Variants in TRIQK observed in about 807,000 individuals in gnomAD.
TRIQK encodes the protein triple QxxK/R motif-containing protein.
A neutral mutation model predicts 10.8 loss-of-function variants in TRIQK; 10 were observed. That is an observed-to-expected ratio of 0.92 (90% confidence interval 0.57 to 1.57). The LOEUF is 1.57. Among genes scored for constraint, TRIQK ranks in the 40% most tolerant of loss-of-function variants. The probability of loss-of-function intolerance (pLI) is 0.00; values close to 1 mark genes in which losing one functional copy is unlikely to be tolerated. For missense variants in TRIQK, 107 were observed against 97.7 expected (o/e 1.09, Z -0.40); for synonymous variants, 33 against 33.7 (o/e 0.98, Z 0.07).
chr8:92,951,846 A>G (rs750905333), intron 2 of TRIQK, among the ~76,000 whole-genome samples: 3 of 152,102 alleles, frequency 2.0e-5, no homozygotes, highest in Non-Finnish European at 1.5e-5. Flanking sequence ...GAGGAAGAGA[A>G]ATACTCAACT....
intron 2 of TRIQK, among the ~76,000 whole-genome samples, chr8:92,945,020 AATAG>A (rs1811455060): frequency 2.0e-5 from 3 of 152,324 alleles, no homozygotes; most frequent in African/African-American, 4.8e-5. Flanking sequence ...AAAAAAATTA[AATAG>A]ATAATGAGTG....
chr8:92,892,947 T>C (rs1002717201), intron 3 of TRIQK, among the ~76,000 whole-genome samples: 2 of 152,004 alleles, frequency 1.3e-5, no homozygotes, highest in Admixed American at 1.3e-4. Flanking sequence ...CATAACAATA[T>C]AATATTTTAT....
At chr8:92,901,200 T>C (rs1209718187) in intron 3 of TRIQK, among the ~76,000 whole-genome samples, 1 of 152,164 alleles carries the variant, frequency 6.6e-6, no homozygotes, top group Non-Finnish European at 1.5e-5. Context: ...CAAACAAGGA[T>C]AATTTGATTT....
intron 4 of TRIQK, 121 bp downstream of exon 4, chr8:92,891,868 C>T (rs1816782872): frequency 8.9e-6 from 6 of 675,912 alleles, no homozygotes; most frequent in Non-Finnish European, 1.4e-5. Flanking sequence ...TTAAGTCTGG[C>T]ATTCTATTTA....
chr8:92,949,832 A>AAGAAAGAAAGAG (rs1811796220), intron 2 of TRIQK, among the ~76,000 whole-genome samples: 2 of 114,780 alleles, frequency 1.7e-5, no homozygotes, highest in South Asian at 6.0e-4. Context: ...GAAAGAAAGA[A>AAGAAAGAAAGAG]AGAAAGAAAG....
chr8:92,921,676 AT>A (rs1563634805), intron 2 of TRIQK: 1 of 151,854 alleles, frequency 6.6e-6, no homozygotes, highest in Non-Finnish European at 1.5e-5. Context: ...ATAAGAAAAA[AT>A]AAATTTGCAG....
intron 1 of TRIQK, among the ~76,000 whole-genome samples, chr8:93,015,314 T>A (rs1006471835): frequency 2.0e-5 from 3 of 151,954 alleles, no homozygotes; most frequent in African/African-American, 4.8e-5. Flanking sequence ...ATAACCAAAG[T>A]AATATAATAC....
intron 2 of TRIQK, among the ~76,000 whole-genome samples, chr8:92,928,898 C>T (rs190988960): frequency 6.6e-6 from 1 of 152,230 alleles, no homozygotes; most frequent in African/African-American, 2.4e-5. Flanking sequence ...ATTAGAAAGA[C>T]TAGGAGGTTT....
At chr8:92,969,582 T>G (rs1812853836), upstream of TRIQK, among the ~76,000 whole-genome samples, 4 of 151,738 alleles carry the variant, frequency 2.6e-5, no homozygotes, top group South Asian at 8.3e-4. Flanking sequence ...TAAAAACATT[T>G]TATTTATTTA....
At chr8:92,994,731 C>G (rs1278308845) in intron 1 of TRIQK, among the ~76,000 whole-genome samples, 3 of 151,922 alleles carry the variant, frequency 2.0e-5, no homozygotes, top group Non-Finnish European at 4.4e-5. Flanking sequence ...CCAGATACCA[C>G]CTCTGACCTT....
rs535245006 is a variant in TRIQK at position 92,958,334 on chromosome 8, C to G, written c.-180-3770G>C. Among the ~76,000 whole-genome samples the G allele has an allele frequency of 4.6e-5, 7 of 152,060 alleles. No homozygotes were observed. The East Asian group carries it at 1.4e-3, about 29-fold the overall frequency. Reference sequence around the variant, plus strand: ...AGACCCCATTTCAATCAATTACGTACTTTCTCTGTACAAGTCACCTATACC... The same window carrying G: ...AGACCCCATTTCAATCAATTACGTAGTTTCTCTGTACAAGTCACCTATACC... On this transcript the variant is annotated intron_variant, in intron 1 of 4. Coordinates refer to ENST00000521988, the MANE Select transcript of TRIQK (RefSeq NM_001171797.2).
At chr8:92,917,605 T>C (rs1352358611) in intron 2 of TRIQK, among the ~76,000 whole-genome samples, 2 of 152,030 alleles carry the variant, frequency 1.3e-5, no homozygotes, top group Admixed American at 1.3e-4. Context: ...TTTTTATTGA[T>C]ATACAATAGT....
At chr8:92,952,418 A>AACACACACACACACACACACAC (rs143129049) in intron 2 of TRIQK, among the ~76,000 whole-genome samples, 5 of 148,196 alleles carry the variant, frequency 3.4e-5, no homozygotes, top group African/African-American at 1.2e-4. Context: ...ACAAAGATAA[A>AACACACACACACACACACACAC]ACACACACAC....
At chr8:93,005,394 C>A (rs1336453292) in intron 1 of TRIQK, among the ~76,000 whole-genome samples, 1 of 152,166 alleles carries the variant, frequency 6.6e-6, no homozygotes, top group African/African-American at 2.4e-5. Flanking sequence ...GATCTAATCA[C>A]CTCCCACTAG....
At chr8:92,975,274 G>C (rs532787768) in intron 1 of TRIQK, among the ~76,000 whole-genome samples, 1 of 152,334 alleles carries the variant, frequency 6.6e-6, no homozygotes, top group Non-Finnish European at 1.5e-5. Flanking sequence ...CATTGCCAGT[G>C]TTACTTTCTT....
intron 3 of TRIQK, among the ~76,000 whole-genome samples, chr8:92,908,191 A>C (rs1809379405): frequency 6.6e-6 from 1 of 152,156 alleles, no homozygotes; most frequent in Non-Finnish European, 1.5e-5. Flanking sequence ...GCTCAAGCTC[A>C]TTATCACGTG....
chr8:92,980,930 T>A (rs1812980000), intron 1 of TRIQK, among the ~76,000 whole-genome samples: 1 of 151,400 alleles, frequency 6.6e-6, no homozygotes, highest in Admixed American at 6.6e-5. Flanking sequence ...TTAATTTATT[T>A]CTGGTTTTTC....
At chr8:92,988,531 G>A (rs577271225) in intron 1 of TRIQK, among the ~76,000 whole-genome samples, 2 of 152,040 alleles carry the variant, frequency 1.3e-5, no homozygotes, top group Non-Finnish European at 2.9e-5. Flanking sequence ...TCATAAACTC[G>A]ATTTCATTTT....
intron 1 of TRIQK, chr8:92,973,229 A>T (rs1438235867): frequency 6.6e-6 from 1 of 152,244 alleles, no homozygotes. Context: ...ACAACAATAT[A>T]CATATGCATA....
Sources: allele counts gnomAD v4.1 joint callset (sites outside exome capture counted in the v4.1 genomes callset), GRCh38; gene constraint gnomAD v4.1.1; transcripts MANE v1.5; gene names NCBI Gene and HGNC (gene_info 2026-07-23, HGNC 2026-07-21).